Variants in PRRT4 observed in about 807,000 individuals in gnomAD.
PRRT4 encodes proline-rich transmembrane protein 4.
A neutral mutation model predicts 55.6 loss-of-function variants in PRRT4; 59 were observed. That is an observed-to-expected ratio of 1.06 (90% CI 0.86 to 1.32). The LOEUF is 1.32. Ranked by LOEUF, PRRT4 falls within the 40% of genes most tolerant of loss-of-function variation. PRRT4 has a pLI of 0.00. For missense variants in PRRT4, 1,217 were observed against 1,222.0 expected, an observed-to-expected ratio of 1.00 and a Z score of 0.06; for synonymous variants, 606 against 601.8, an observed-to-expected ratio of 1.01 and a Z score of -0.10.
At chr7:128,352,441 G>A (rs1797009977) in exon 5 of PRRT4, 2 of 1,537,708 alleles carry the variant, frequency 1.3e-6, no homozygotes, top group African/African-American at 1.4e-5. Context: ...GCCGAAGAGC[G>A]CGCCTACCCC....
At chr7:128,351,070 G>A in exon 5 of PRRT4, 3 of 1,549,144 alleles carry the variant, frequency 1.9e-6, no homozygotes, top group Non-Finnish European at 2.6e-6. Context: ...GCAGACCAGA[G>A]GGCAGCGCGG....
chr7:128,352,139 G>A, exon 5 of PRRT4: 1 of 1,299,558 alleles, frequency 7.7e-7, no homozygotes, highest in Non-Finnish European at 9.7e-7. Flanking sequence ...CCCAGCCCCA[G>A]GAGCAGCAGC....
At chr7:128,361,091 TCTCTCTCTCTCTCACACACA>T (rs1562970776) in intron 1 of PRRT4, among the ~76,000 whole-genome samples, 195 bp downstream of exon 2, 2 of 134,432 alleles carry the variant, frequency 1.5e-5, no homozygotes, top group African/African-American at 3.0e-5. Flanking sequence ...TCTCTCTCTC[TCTCTCTCTCTCTCACACACA>T]CACACACACA....
exon 5 of PRRT4, chr7:128,351,219 C>G: frequency 1.9e-6 from 3 of 1,540,040 alleles, no homozygotes; most frequent in Non-Finnish European, 2.6e-6. Flanking sequence ...GGCCAGAGGC[C>G]TCCCCTGATC....
chr7:128,359,894 G>T, exon 2 of PRRT4: 1 of 1,464,372 alleles, frequency 6.8e-7, no homozygotes, highest in Non-Finnish European at 9.1e-7. Context: ...AGTGGTGGCA[G>T]GGGCACCTGG....
chr7:128,350,912 C>G (rs939699284), exon 5 of PRRT4: 3 of 1,550,836 alleles, frequency 1.9e-6, no homozygotes, highest in Middle Eastern at 1.7e-4. Flanking sequence ...CGGCAGGCGT[C>G]CAGGAACTGC....
Position 128,358,611 on chromosome 7 carries a change from CTGA to C in PRRT4, c.877+67_877+69del, listed in dbSNP as rs1399582677. The C allele has an allele frequency of 1.8e-5, 24 of 1,355,804 alleles. No individual in the cohort carries two copies. The highest frequency in any genetic ancestry group is 2.5e-5 in the Non-Finnish European group (24 of 972,900). 84.0% of individuals were successfully genotyped at this position (1,355,804 alleles called of 1,614,324 possible). A position where few individuals can be genotyped will look rare whatever the true frequency, so the allele number is the denominator to read the frequency against. ...AATGAAATAAAAGGGTCCCAGAACA[CTGA>C]TGAGTGACTAGCATGTAGTAAGTGC... On this transcript the variant is annotated intron_variant, in intron 4 of 4. Transcript: ENST00000535159. This position sits in a 1 kb window ranked among gnomAD's most constrained non-coding sequence, Gnocchi z 4.4.
At chr7:128,360,690 T>C (rs1797228996) in intron 1 of PRRT4, among the ~76,000 whole-genome samples, 1 of 150,658 alleles carries the variant, frequency 6.6e-6, no homozygotes, top group Non-Finnish European at 1.5e-5. Flanking sequence ...TTCCTGGGGC[T>C]GGGCCTGTTC....
intron 1 of PRRT4, 115 bp from the exon 3 acceptor site, chr7:128,360,178 G>A: frequency 2.3e-6 from 1 of 437,964 alleles, no homozygotes. Context: ...GTGTGGGCAG[G>A]ATGCAAAGTG....
Position 128,358,658 on chromosome 7 carries a change from G to A in PRRT4, c.877+23C>T. On this transcript the variant is annotated intron_variant, in intron 4 of 4. Coordinates refer to ENST00000535159, the Ensembl canonical transcript of PRRT4. This position sits in a 1 kb window ranked among gnomAD's most constrained non-coding sequence, Gnocchi z 4.4. Reference sequence around the variant, plus strand: ...TAAGTGCTCAATAAATAATTGTCAAGTTCAAATGAATTGGATACTTACCTA... The same window carrying A: ...TAAGTGCTCAATAAATAATTGTCAAATTCAAATGAATTGGATACTTACCTA... 4.5e-6 allele frequency: 7 copies of A among 1,549,964 alleles called. No individual in the cohort carries two copies. Among genetic ancestry groups the A allele is most frequent in the Non-Finnish European group, 5.2e-6 (6 of 1,145,552 alleles).
At chr7:128,350,805 G>A (rs1796939269), downstream of PRRT4, 13 of 1,537,428 alleles carry the variant, frequency 8.5e-6, no homozygotes, top group Non-Finnish European at 1.1e-5. Flanking sequence ...GTCTCGGGCA[G>A]GGCAGGCGCC....
chr7:128,351,319 A>C (rs1276099423), exon 5 of PRRT4: 8 of 1,545,610 alleles, frequency 5.2e-6, no homozygotes, highest in Non-Finnish European at 6.1e-6. Context: ...GCCCTGGAAG[A>C]GGCCAGGCGC....
intron 4 of PRRT4, among the ~76,000 whole-genome samples, chr7:128,356,085 C>CCGA (rs1797105669): frequency 2.6e-5 from 4 of 151,958 alleles, no homozygotes; most frequent in Admixed American, 2.0e-4. Flanking sequence ...ATGGTGAAAC[C>CCGA]CGACTCTTAC....
chr7:128,350,670 G>GGC (rs1336798543), downstream of PRRT4: 14 of 885,298 alleles, frequency 1.6e-5, no homozygotes, highest in African/African-American at 2.4e-4. Flanking sequence ...TCCAGAGAAG[G>GGC]TGGCACTGAT....
chr7:128,359,037 T>C (rs1797175464), intron 3 of PRRT4, 112 bp downstream of exon 4: 1 of 1,273,742 alleles, frequency 7.9e-7, no homozygotes, highest in Non-Finnish European at 1.1e-6. Flanking sequence ...TCCTAGGGCC[T>C]GGAAGAAGCA....
chr7:128,352,110 G>A lies in PRRT4; in HGVS notation c.1446C>T (p.Ala482=), dbSNP rs1039425221. ...GCGGGCGATGCGCGGCGCTCCCGAG[G>A]GCGGCGGCGGCCGCCAGCCCCAGCC... Residue 482 remains alanine, a synonymous_variant, in exon 5 of 5, where the codon GCC becomes GCT. Coordinates refer to ENST00000535159, the Ensembl canonical transcript of PRRT4. 14 of 1,159,218 alleles carry A rather than the reference G, an allele frequency of 1.2e-5. No homozygotes were observed. In the African/African-American group the frequency reaches 1.6e-4, roughly 14 times the overall value. The allele number at this position is 1,159,218 out of a possible 1,614,324, so 71.8% of individuals were successfully genotyped here.
chr7:128,361,843 C>T (rs1236276710), upstream of PRRT4, among the ~76,000 whole-genome samples: 1 of 152,194 alleles, frequency 6.6e-6, no homozygotes, highest in African/African-American at 2.4e-5. Context: ...ACCTCGGTGC[C>T]GGGCGCCTCC....
chr7:128,350,771 T>G, downstream of PRRT4: 1 of 1,499,176 alleles, frequency 6.7e-7, no homozygotes, highest in Non-Finnish European at 9.0e-7. Flanking sequence ...CCAGGGAGGA[T>G]TGGGGAAGGA....
exon 5 of PRRT4, chr7:128,351,497 G>A (rs1285754730): frequency 3.3e-6 from 5 of 1,513,414 alleles, no homozygotes; most frequent in Non-Finnish European, 3.5e-6. Context: ...TGGAGTAGGA[G>A]GTCTGGGCCT....
Sources: gnomAD v4.1 joint callset for allele counts (sites outside exome capture counted in the v4.1 genomes callset) on GRCh38, gnomAD v4.1.1 for gene constraint, Gnocchi (gnomAD v3.1) non-coding constraint, MANE v1.5 for transcripts, NCBI Gene and HGNC (gene_info 2026-07-23, HGNC 2026-07-21) for gene names.